Variants in VEGFC observed in about 807,000 individuals in gnomAD.
The protein encoded by VEGFC is vascular endothelial growth factor C.
In VEGFC, 12 loss-of-function variants were observed where a neutral mutation model predicts 46.1. The ratio of observed to expected loss-of-function variants is 0.26; its 90% CI spans 0.17 to 0.42. VEGFC has a LOEUF of 0.42. Ranked by LOEUF, VEGFC falls within the 10% of genes least tolerant of loss-of-function variation. VEGFC has a pLI of 1.00. For synonymous variants in VEGFC, 232 were observed against 195.5 expected (o/e 1.19, Z -1.56); for missense variants, 488 against 529.4 (o/e 0.92, Z 0.77).
In VEGFC at chr4:176,687,894, A is replaced by T; in HGVS notation, c.738T>A (p.Asn246Lys). 1.9e-6 allele frequency: 3 copies of T among 1,613,626 alleles called. No individual in the cohort carries two copies. Among genetic ancestry groups the T allele is most frequent in the Non-Finnish European group, 2.5e-6 (3 of 1,179,810 alleles). Residue 246 changes from asparagine to lysine, a missense_variant, in exon 5 of 7, where the codon AAT becomes AAA. Coordinates refer to ENST00000618562, the MANE Select transcript of VEGFC (RefSeq NM_005429.5). ...TGCAGATGTGATTATTCCACATGTA[A>T]TTGGTGGGGCAGGTCTTGTTCGCTG... ...CQAANKTCPTNYMWNNHICRC... is the reference protein window; with the variant it reads ...CQAANKTCPTKYMWNNHICRC...
chr4:176,725,024 A>G (rs1490297254), intron 3 of VEGFC, among the ~76,000 whole-genome samples: 2 of 152,142 alleles, frequency 1.3e-5, no homozygotes, highest in African/African-American at 4.8e-5. Flanking sequence ...ATTGGAGTGA[A>G]TAACGATATA....
intron 3 of VEGFC, among the ~76,000 whole-genome samples, chr4:176,721,232 T>C (rs780612980): frequency 1.3e-5 from 2 of 152,166 alleles, no homozygotes; most frequent in Non-Finnish European, 1.5e-5. Context: ...TTAAGGGATT[T>C]TGTCTGAAAG....
At chr4:176,763,619 G>A (rs889317397) in intron 1 of VEGFC, among the ~76,000 whole-genome samples, 56 of 151,958 alleles carry the variant, frequency 3.7e-4, no homozygotes, top group Non-Finnish European at 5.3e-4. Flanking sequence ...ATTCTTTCAC[G>A]TAATCAATAT....
chr4:176,731,250 A>G (rs991525499), intron 1 of VEGFC, among the ~76,000 whole-genome samples: 1 of 152,070 alleles, frequency 6.6e-6, no homozygotes, highest in African/African-American at 2.4e-5. Flanking sequence ...TATTTGCCAA[A>G]AAAACTCACT....
At position 176,687,472 on chromosome 4, in the gene VEGFC, T is replaced by C. The variant is rs564667848; in HGVS notation, c.860A>G (p.Asp287Gly). Residue 287 changes from aspartate (D) to glycine (G), a missense_variant, in exon 6 of 7, where the codon GAT (aspartate) becomes GGT (glycine). Physicochemically the swap from Asp to Gly is moderately conservative, Grantham distance 94. Coordinates refer to ENST00000618562, the MANE Select transcript of VEGFC (RefSeq NM_005429.5). ...GCAGACACACTGACAGGTCTCTTCA[T>C]CCAGCTCCTTGTTTGGTCCACAGAT... ...HDICGPNKELDEETCQCVCRA... is the reference protein window; with the variant it reads ...HDICGPNKELGEETCQCVCRA... The C allele has an allele frequency of 4.2e-5, 67 of 1,613,542 alleles. 1 individual carries two copies. In the East Asian group the frequency reaches 1.0e-3, roughly 25 times the overall value.
At chr4:176,780,407 T>C (rs1474405583) in intron 1 of VEGFC, among the ~76,000 whole-genome samples, 1 of 47,882 alleles carries the variant, frequency 2.1e-5, no homozygotes, top group Non-Finnish European at 5.6e-5. Context: ...AAACTCCTTC[T>C]AACCCATTCA....
intron 3 of VEGFC, among the ~76,000 whole-genome samples, chr4:176,712,542 C>A (rs1432291018): frequency 6.6e-6 from 1 of 152,132 alleles, no homozygotes; most frequent in Non-Finnish European, 1.5e-5. Context: ...AAAGTGAAAT[C>A]TTGCCCACTA....
chr4:176,749,680 A>G (rs1385633323), intron 1 of VEGFC, among the ~76,000 whole-genome samples: 1 of 151,844 alleles, frequency 6.6e-6, no homozygotes, highest in Non-Finnish European at 1.5e-5. Context: ...AAAAAATAAA[A>G]TCTTAGAAAG....
At chr4:176,759,433 G>C (rs1261916180) in intron 1 of VEGFC, among the ~76,000 whole-genome samples, 2 of 152,150 alleles carry the variant, frequency 1.3e-5, no homozygotes, top group East Asian at 3.9e-4. Context: ...GATAGAAGCA[G>C]AGAGTAGAAT....
chr4:176,776,858 A>G (rs1219568711), intron 1 of VEGFC, among the ~76,000 whole-genome samples: 1 of 152,234 alleles, frequency 6.6e-6, no homozygotes, highest in African/African-American at 2.4e-5. Flanking sequence ...AGACATGCTA[A>G]AAGTTTTATC....
chr4:176,761,996 C>G (rs1490202814), intron 1 of VEGFC, among the ~76,000 whole-genome samples: 2 of 152,136 alleles, frequency 1.3e-5, no homozygotes, highest in African/African-American at 4.8e-5. Context: ...TGCATTTATT[C>G]TGTGCCAGCG....
At chr4:176,686,251 CG>C (rs1560931816) in intron 6 of VEGFC, among the ~76,000 whole-genome samples, 1 of 152,074 alleles carries the variant, frequency 6.6e-6, no homozygotes, top group East Asian at 1.9e-4. Context: ...GCCAATGAAA[CG>C]TTAAACAGAG....
intron 1 of VEGFC, among the ~76,000 whole-genome samples, chr4:176,774,533 G>T (rs1466777173): frequency 1.3e-5 from 2 of 152,144 alleles, no homozygotes; most frequent in East Asian, 3.9e-4. Flanking sequence ...CTTTGCATAT[G>T]TAAAATGGGG....
intron 1 of VEGFC, among the ~76,000 whole-genome samples, chr4:176,778,850 A>C (rs1273709377): frequency 6.6e-6 from 1 of 152,120 alleles, no homozygotes; most frequent in African/African-American, 2.4e-5. Context: ...CATAAACTCG[A>C]GATATTCCCC....
chr4:176,791,244 T>A (rs557880597), intron 1 of VEGFC, among the ~76,000 whole-genome samples: 1 of 152,254 alleles, frequency 6.6e-6, no homozygotes, highest in African/African-American at 2.4e-5. Flanking sequence ...ACTGCAAGTG[T>A]TTGAACTGAA....
intron 3 of VEGFC, among the ~76,000 whole-genome samples, chr4:176,722,626 G>A (rs999488223): frequency 1.2e-4 from 18 of 151,540 alleles, no homozygotes; most frequent in East Asian, 1.9e-4. Context: ...TACCTCCCGC[G>A]TAGCTGGGAC....
rs897216821 is a variant in VEGFC, at chr4:176,683,718, G to A, written c.*208C>T. The A allele has an allele frequency of 5.2e-5, 20 of 381,832 alleles. No homozygotes were observed. The highest frequency in any genetic ancestry group is 8.4e-5 in the Non-Finnish European group (18 of 214,444). 23.7% of individuals were successfully genotyped at this position (381,832 alleles called of 1,614,324 possible). A position where few individuals can be genotyped will look rare whatever the true frequency, so the allele number is the denominator to read the frequency against. On this transcript the variant is annotated 3_prime_UTR_variant, in exon 7 of 7. Coordinates refer to ENST00000618562, the MANE Select transcript of VEGFC (RefSeq NM_005429.5). The stretch of plus-strand genomic sequence containing the variant: ...ACAAGAGGAAAATCTTGGCTGTTTG[G>A]TCATTGGCAGAAAACCAGTCTTTAC...
chr4:176,716,560 C>T (rs1450407846), intron 3 of VEGFC, among the ~76,000 whole-genome samples: 23 of 135,016 alleles, frequency 1.7e-4, no homozygotes, highest in African/African-American at 6.5e-4. Context: ...TCCAGCCTGG[C>T]CAACAGAGGT....
chr4:176,784,063 G>GTTTT lies in VEGFC; in HGVS notation c.147+8098_147+8101dup, dbSNP rs66870525. The stretch of plus-strand genomic sequence containing the variant: ...AGGGCTTTATATGTATGCACATGCT[G>GTTTT]TTTTTTTTTTTTTTTTTTTGAAACA... On this transcript the variant is annotated intron_variant, in intron 1 of 6. Transcript: ENST00000618562. 1.1e-3 allele frequency among the ~76,000 whole-genome samples: 50 copies of GTTTT among 45,910 alleles called. 2 individuals are homozygous for GTTTT. The highest frequency in any genetic ancestry group is 1.6e-3 in the African/African-American group (44 of 27,628). The allele number at this position is 45,910 out of a possible 152,430, so 30.1% of individuals were successfully genotyped here.
Sources: allele counts gnomAD v4.1 joint callset (sites outside exome capture counted in the v4.1 genomes callset), GRCh38; gene constraint gnomAD v4.1.1; transcripts MANE v1.5; gene names NCBI Gene and HGNC (gene_info 2026-07-23, HGNC 2026-07-21).